The following PROKR2 variants were observed in gnomAD, a reference collection of about 807,000 sequenced individuals.
PROKR2 encodes G protein-coupled receptor 73-like 1.
A neutral mutation model predicts 23.4 loss-of-function variants in PROKR2; 26 were observed. That is an observed-to-expected ratio of 1.11 (90% CI 0.81 to 1.54). PROKR2 has a LOEUF of 1.54. PROKR2 is among the 40% of genes most tolerant of loss of function. PROKR2 has a pLI of 0.00. For missense variants in PROKR2, 453 were observed against 511.5 expected (o/e 0.89, Z 1.10); for synonymous variants, 212 against 201.2 (o/e 1.05, Z -0.45).
chr20:5,315,382 T>C (rs1471847256), intron 1 of PROKR2, among the ~76,000 whole-genome samples: 1 of 151,898 alleles, frequency 6.6e-6, no homozygotes, highest in Non-Finnish European at 1.5e-5. Flanking sequence ...ATAGGGAAAA[T>C]AGTCTCTGAA....
At chr20:5,309,535 A>G (rs2122216189) in intron 2 of PROKR2, among the ~76,000 whole-genome samples, 1 of 152,294 alleles carries the variant, frequency 6.6e-6, no homozygotes, top group East Asian at 1.9e-4. Context: ...GATCTTTGTG[A>G]TTTCATTGGG....
chr20:5,316,279 C>T lies in PROKR2; in HGVS notation c.-9+215G>A, dbSNP rs1464298897. 1 of 456,706 alleles carries T rather than the reference C, an allele frequency of 2.2e-6. No homozygotes were observed. The highest frequency in any genetic ancestry group is 4.4e-6 in the Non-Finnish European group (1 of 226,962). The allele number at this position is 456,706 out of a possible 1,614,324, so 28.3% of individuals were successfully genotyped here. A position where few individuals can be genotyped will look rare whatever the true frequency, so the allele number is the denominator to read the frequency against. On this transcript the variant is annotated intron_variant, in intron 1 of 2. Transcript: ENST00000678254. The surrounding 1 kb of genome is among the most constrained non-coding windows in gnomAD (Gnocchi z 5.0). Reference sequence around the variant, plus strand: ...GCCCGCGCCCGCACACCACAGACTCCGCTTACCGTACCCTACCCGGTCCTA... The same window carrying T: ...GCCCGCGCCCGCACACCACAGACTCTGCTTACCGTACCCTACCCGGTCCTA...
chr20:5,316,419 G>A lies in PROKR2; in HGVS notation c.-9+75C>T, dbSNP rs1434915912. 4.4e-6 allele frequency: 2 copies of A among 456,030 alleles called. No individual in the cohort carries two copies. Among genetic ancestry groups the A allele is most frequent in the South Asian group, 1.6e-5 (1 of 64,496 alleles). 28.2% of individuals were successfully genotyped at this position (456,030 alleles called of 1,614,324 possible). A position where few individuals can be genotyped will look rare whatever the true frequency, so the allele number is the denominator to read the frequency against. On this transcript the variant is annotated intron_variant, in intron 1 of 2. Transcript: ENST00000678254. The surrounding 1 kb of genome is among the most constrained non-coding windows in gnomAD (Gnocchi z 5.0). ...CGGAATGCCCGAGAAAAAAGTGGGCGTCAGAGGCCCTTGTCCTAGCGACTC... is the reference window on the plus strand; with the variant it reads ...CGGAATGCCCGAGAAAAAAGTGGGCATCAGAGGCCCTTGTCCTAGCGACTC...
chr20:5,307,683 A>G (rs1357655955), intron 2 of PROKR2, among the ~76,000 whole-genome samples: 3 of 152,262 alleles, frequency 2.0e-5, no homozygotes, highest in Non-Finnish European at 2.9e-5. Flanking sequence ...TGGTCTGAAC[A>G]AAATGGTCAG....
At chr20:5,311,656 T>C (rs549277220) in intron 2 of PROKR2, among the ~76,000 whole-genome samples, 8 of 152,176 alleles carry the variant, frequency 5.3e-5, no homozygotes, top group Admixed American at 1.3e-4. Flanking sequence ...AACATTTGAG[T>C]CAGTGGGCTG....
chr20:5,315,825 A>C, intron 1 of PROKR2: 1 of 456,582 alleles, frequency 2.2e-6, no homozygotes, highest in South Asian at 1.5e-5. Context: ...GCCTCTGCTC[A>C]GCGTGGGACC....
At position 5,316,447 on chromosome 20, in the gene PROKR2, C is replaced by G. The variant is rs1003629287; in HGVS notation, c.-9+47G>C. Reference sequence around the variant, plus strand: ...AGAGGCCCTTGTCCTAGCGACTCCCCCACCGCACCGACTGAGTCCCGGGAC... The same window carrying G: ...AGAGGCCCTTGTCCTAGCGACTCCCGCACCGCACCGACTGAGTCCCGGGAC... On this transcript the variant is annotated intron_variant, in intron 1 of 2. Transcript: ENST00000678254. This position sits in a 1 kb window ranked among gnomAD's most constrained non-coding sequence, Gnocchi z 5.0. 2.2e-6 allele frequency: 1 copy of G among 449,380 alleles called. No individual in the cohort carries two copies. Among genetic ancestry groups the G allele is most frequent in the Admixed American group, 2.4e-5 (1 of 42,198 alleles). The allele number at this position is 449,380 out of a possible 1,614,324, so 27.8% of individuals were successfully genotyped here.
Position 5,302,089 on chromosome 20 carries a change from G to T in PROKR2, c.1106C>A (p.Thr369Asn). The change falls in exon 3 of 3, where the codon ACC (threonine) becomes AAC (asparagine). Residue 369 changes from threonine to asparagine, a missense_variant. Coordinates refer to ENST00000678254, the MANE Select transcript of PROKR2 (RefSeq NM_144773.4). ...SKSSADLDLRTNGVPTTEEVD... is the reference protein window; with the variant it reads ...SKSSADLDLRNNGVPTTEEVD... ...CTCTTCTGTGGTGGGCACCCCGTTG[G>T]TTCTGAGGTCAAGGTCAGCACTGGA... The T allele has an allele frequency of 6.2e-7, 1 of 1,614,204 alleles. No homozygotes were observed. Among genetic ancestry groups the T allele is most frequent in the Non-Finnish European group, 8.5e-7 (1 of 1,180,032 alleles).
rs754796297 is a variant in PROKR2 at position 5,302,240 on chromosome 20, C to A, written c.955G>T (p.Glu319Ter). ...ATGCTGTTGCTCATGGCGATGCACT[C>A]GACCACGTAGAAGGCAGTGAGGTAG... ...KHYLTAFYVV[E>*]CIAMSNSMIN... The change falls in exon 3 of 3, where the codon GAG (glutamate) becomes TAG (stop). Residue 319 changes from glutamate to a stop codon, truncating the protein, a stop_gained. Transcript: ENST00000678254. LOFTEE classifies it high-confidence loss of function. 6.2e-7 allele frequency: 1 copy of A among 1,614,078 alleles called. No individual in the cohort carries two copies. Among genetic ancestry groups the A allele is most frequent in the Non-Finnish European group, 8.5e-7 (1 of 1,180,052 alleles).
In PROKR2 at chr20:5,302,136, A is replaced by G. The variant is rs756780391; in HGVS notation, c.1059T>C (p.Arg353=). 1.2e-6 allele frequency: 2 copies of G among 1,614,178 alleles called. No homozygotes were observed. The highest frequency in any genetic ancestry group is 1.7e-6 in the Non-Finnish European group (2 of 1,180,044). The change falls in exon 3 of 3, where the codon CGT becomes CGC. Residue 353 remains arginine (R), a synonymous_variant. Coordinates refer to ENST00000678254, the MANE Select transcript of PROKR2 (RefSeq NM_144773.4). ...TGGACTTGCTCCCCCGCTGGGAGGG[A>G]CGCCAGTGCAGCAGCATCATCTTCT... ...YFKKMMLLHW[R]PSQRGSKSSA...
At chr20:5,306,627 C>T (rs1199639450) in intron 2 of PROKR2, among the ~76,000 whole-genome samples, 1 of 152,340 alleles carries the variant, frequency 6.6e-6, no homozygotes, top group East Asian at 1.9e-4. Flanking sequence ...GAGCTTGTAG[C>T]TGTAATTGAG....
chr20:5,303,171 C>G (rs1177898446), intron 2 of PROKR2, among the ~76,000 whole-genome samples: 1 of 152,192 alleles, frequency 6.6e-6, no homozygotes, highest in Non-Finnish European at 1.5e-5. Context: ...TATTATACCA[C>G]CTTGGGTTTC....
chr20:5,314,042 C>T lies in PROKR2; in HGVS notation c.328G>A (p.Glu110Lys), dbSNP rs756998275. Residue 110 changes from glutamate (E) to lysine (K), a missense_variant, in exon 2 of 3, where the codon GAG becomes AAG. By Grantham distance (56) the Glu-to-Lys change is moderately conservative (BLOSUM62 1). Coordinates refer to ENST00000678254, the MANE Select transcript of PROKR2 (RefSeq NM_144773.4). The part of the protein sequence containing the change: ...FLVAIICCPF[E>K]MDYYVVRQLS... ...TGCCGTACCACGTAGTAGTCCATCT[C>T]GAAGGGGCAGCAGATGATGGCCACC... The T allele has an allele frequency of 6.8e-6, 11 of 1,614,200 alleles. No homozygotes were observed. Among genetic ancestry groups the T allele is most frequent in the Admixed American group, 3.3e-5 (2 of 60,024 alleles).
intron 2 of PROKR2, among the ~76,000 whole-genome samples, chr20:5,312,189 C>T (rs891949657): frequency 6.6e-6 from 1 of 152,292 alleles, no homozygotes; most frequent in Middle Eastern, 3.4e-3. Context: ...TCACGGCAAC[C>T]TCCGCCTCCC....
chr20:5,306,047 T>C (rs1367877826), intron 2 of PROKR2, among the ~76,000 whole-genome samples: 2 of 152,296 alleles, frequency 1.3e-5, no homozygotes, highest in South Asian at 4.1e-4. Flanking sequence ...AACCACTTAA[T>C]TGGAAAGACA....
intron 2 of PROKR2, among the ~76,000 whole-genome samples, chr20:5,308,818 AT>A (rs1979326091): frequency 6.6e-6 from 1 of 151,924 alleles, no homozygotes; most frequent in Non-Finnish European, 1.5e-5. Context: ...CTGTCATGTT[AT>A]TTCTTCCTGT....
At position 5,301,791 on chromosome 20, in the gene PROKR2, C is replaced by T. The variant is rs1225209185; in HGVS notation, c.*249G>A. 1.3e-5 allele frequency among the ~76,000 whole-genome samples: 2 copies of T among 152,238 alleles called. No homozygotes were observed. Among genetic ancestry groups the T allele is most frequent in the African/African-American group, 4.8e-5 (2 of 41,466 alleles). On this transcript the variant is annotated 3_prime_UTR_variant, in exon 3 of 3. Coordinates refer to ENST00000678254, the MANE Select transcript of PROKR2 (RefSeq NM_144773.4). ...CATGTTCAGTCCATGTCAGTTGCTG[C>T]TCCTTGTGTCTAATCTCCTTGTTGG...
chr20:5,312,446 T>C (rs1454053142), intron 2 of PROKR2, among the ~76,000 whole-genome samples: 1 of 152,192 alleles, frequency 6.6e-6, no homozygotes, highest in African/African-American at 2.4e-5. Flanking sequence ...TTTGCACCAT[T>C]TTCCCTGGAG....
At position 5,300,871 on chromosome 20, in the gene PROKR2, T is replaced by A. The variant is rs1026222726; in HGVS notation, c.*1169A>T. Among the ~76,000 whole-genome samples, 39 of 152,130 alleles carry A rather than the reference T, an allele frequency of 2.6e-4. No individual in the cohort carries two copies. The highest frequency in any genetic ancestry group is 2.9e-5 in the Non-Finnish European group (2 of 68,012). On this transcript the variant is annotated 3_prime_UTR_variant, in exon 3 of 3. Transcript: ENST00000678254. ...CCTGACCCCAGAGCCACTGAAATCC[T>A]TTGCACTGAGGAGGCAAAAATTGAC...
Sources: gnomAD v4.1 joint callset for allele counts (sites outside exome capture counted in the v4.1 genomes callset) on GRCh38, gnomAD v4.1.1 for gene constraint, Gnocchi (gnomAD v3.1) non-coding constraint, MANE v1.5 for transcripts, NCBI Gene and HGNC (gene_info 2026-07-23, HGNC 2026-07-21) for gene names.